Variants in FUT8 observed in about 807,000 individuals in gnomAD.
FUT8 encodes fucosyltransferase 8.
Under a neutral mutation model 71.3 loss-of-function variants are expected in FUT8, and 29 were observed. The ratio of observed to expected loss-of-function variants is 0.41; its 90% CI spans 0.30 to 0.55. The LOEUF (loss-of-function observed/expected upper bound fraction) is 0.55, where lower values mean the gene tolerates loss of function less well. Ranked by LOEUF, FUT8 falls within the 20% of genes least tolerant of loss-of-function variation. The pLI, the probability that FUT8 is intolerant of heterozygous loss-of-function variation, is 0.34. For synonymous variants in FUT8, 254 were observed against 239.3 expected, an observed-to-expected ratio of 1.06 and a Z score of -0.57; for missense variants, 544 against 702.1, an observed-to-expected ratio of 0.77 and a Z score of 2.55.
chr14:65,512,482 T>C (rs1264711432), intron 2 of FUT8, among the ~76,000 whole-genome samples: 1 of 152,182 alleles, frequency 6.6e-6, no homozygotes, highest in African/African-American at 2.4e-5. Flanking sequence ...TATGATCTTA[T>C]GGGACCACTC....
At chr14:65,663,678 C>T (rs1454041674) in intron 6 of FUT8, among the ~76,000 whole-genome samples, 2 of 151,928 alleles carry the variant, frequency 1.3e-5, no homozygotes, top group Admixed American at 6.6e-5. Context: ...ATGGATTTTC[C>T]CTCTTTCTTT....
chr14:65,427,018 C>T (rs1210232429), intron 1 of FUT8, among the ~76,000 whole-genome samples: 1 of 151,946 alleles, frequency 6.6e-6, no homozygotes, highest in Non-Finnish European at 1.5e-5. Flanking sequence ...GCTACCATGC[C>T]CGGCTAATTT....
rs139634606 is a variant in FUT8, at chr14:65,510,329, G to A, written c.-227-51008G>A. The stretch of plus-strand genomic sequence containing the variant: ...TTAATGTGTTGTTGAGTTCAATTTG[G>A]TAGTATTTCGTTATGGATTTTTGTA... On this transcript the variant is annotated intron_variant, in intron 2 of 10. Transcript: ENST00000673929. 3.3e-5 allele frequency among the ~76,000 whole-genome samples: 5 copies of A among 152,120 alleles called. No homozygotes were observed. The East Asian group carries it at 7.7e-4, about 24-fold the overall frequency.
chr14:65,511,585 T>C lies in FUT8; in HGVS notation c.-227-49752T>C, dbSNP rs539718015. 2.5e-3 allele frequency among the ~76,000 whole-genome samples: 377 copies of C among 152,298 alleles called. 2 individuals carry two copies. In the Middle Eastern group the frequency reaches 0.037, roughly 15 times the overall value. Reference sequence around the variant, plus strand: ...TCTGGGTGCTCCACTGTTGGGTGCATATATATTAAAGTACTTTTTTATATC... The same window carrying C: ...TCTGGGTGCTCCACTGTTGGGTGCACATATATTAAAGTACTTTTTTATATC... On this transcript the variant is annotated intron_variant, in intron 2 of 10. Transcript: ENST00000673929.
intron 1 of FUT8, among the ~76,000 whole-genome samples, chr14:65,416,865 C>G (rs1012297327): frequency 1.4e-4 from 21 of 149,774 alleles, no homozygotes. Context: ...CTCACTGCAG[C>G]CTTGAACTCC....
chr14:65,740,415 A>G (rs1258190463), intron 10 of FUT8, among the ~76,000 whole-genome samples: 4 of 152,018 alleles, frequency 2.6e-5, no homozygotes, highest in Admixed American at 6.6e-5. Context: ...CTCTAAGTTG[A>G]GGTGATGATT....
At chr14:65,734,565 C>G (rs987942189) in intron 10 of FUT8, among the ~76,000 whole-genome samples, 7 of 152,166 alleles carry the variant, frequency 4.6e-5, no homozygotes, top group African/African-American at 1.4e-4. Flanking sequence ...TTATGTTTCT[C>G]CCTAATTGGG....
chr14:65,658,251 G>A (rs916006970), intron 6 of FUT8, among the ~76,000 whole-genome samples: 11 of 152,118 alleles, frequency 7.2e-5, no homozygotes, highest in African/African-American at 2.7e-4. Context: ...CAAAAGACAT[G>A]ATGAGATACA....
intron 2 of FUT8, among the ~76,000 whole-genome samples, chr14:65,498,273 A>G (rs1048704250): frequency 2.0e-5 from 3 of 152,168 alleles, no homozygotes; most frequent in Non-Finnish European, 4.4e-5. Flanking sequence ...TACTCAAAGG[A>G]ACCAATAAAT....
chr14:65,722,144 G>T (rs1028304583), intron 8 of FUT8, 123 bp downstream of exon 8: 5 of 1,235,948 alleles, frequency 4.0e-6, no homozygotes, highest in Non-Finnish European at 5.6e-6. Context: ...AAGGACAGAG[G>T]TTCTAGAGCT....
intron 3 of FUT8, among the ~76,000 whole-genome samples, chr14:65,609,454 T>C (rs1888763699): frequency 6.6e-6 from 1 of 151,992 alleles, no homozygotes; most frequent in Admixed American, 6.6e-5. Context: ...ATAACTTTGC[T>C]GAACTGAGGG....
intron 3 of FUT8, among the ~76,000 whole-genome samples, chr14:65,602,882 T>C (rs796722372): frequency 6.6e-6 from 1 of 152,104 alleles, no homozygotes; most frequent in African/African-American, 2.4e-5. Context: ...TTTTCCTTGC[T>C]GTGGATTCTG....
At chr14:65,380,281 G>T in the FUT8 span, among the ~76,000 whole-genome samples, 1 of 152,106 alleles carries the variant, frequency 6.6e-6, no homozygotes, top group African/African-American at 2.4e-5. Context: ...ACTATTACTA[G>T]AATAGCATGG....
chr14:65,559,958 C>T (rs926122518), intron 2 of FUT8, among the ~76,000 whole-genome samples: 1 of 152,086 alleles, frequency 6.6e-6, no homozygotes, highest in Non-Finnish European at 1.5e-5. Flanking sequence ...TCAGCAAGTA[C>T]AATTCTTTTC....
chr14:65,494,239 T>G (rs1043748403), intron 2 of FUT8, among the ~76,000 whole-genome samples: 1 of 152,292 alleles, frequency 6.6e-6, no homozygotes, highest in Admixed American at 6.5e-5. Flanking sequence ...TTTCAACAAC[T>G]AATCAATATA....
chr14:65,505,973 C>T (rs781053523), intron 2 of FUT8, among the ~76,000 whole-genome samples: 1 of 152,150 alleles, frequency 6.6e-6, no homozygotes, highest in Non-Finnish European at 1.5e-5. Flanking sequence ...ACCCTAGCTA[C>T]TAATTTTGTA....
chr14:65,696,682 C>T (rs1371795150), intron 7 of FUT8, among the ~76,000 whole-genome samples: 1 of 151,894 alleles, frequency 6.6e-6, no homozygotes, highest in Non-Finnish European at 1.5e-5. Context: ...TCTTTCTTCT[C>T]CTCTGGTACT....
intron 1 of FUT8, among the ~76,000 whole-genome samples, chr14:65,446,806 T>G (rs76520744): frequency 6.6e-6 from 1 of 151,886 alleles, no homozygotes; most frequent in Non-Finnish European, 1.5e-5. Context: ...TTTTTTTTTT[T>G]GTAAAGATAG....
intron 2 of FUT8, among the ~76,000 whole-genome samples, chr14:65,515,749 C>T (rs1882669966): frequency 6.6e-6 from 1 of 151,970 alleles, no homozygotes; most frequent in East Asian, 1.9e-4. Context: ...ATGTGTGGTA[C>T]ATTGTATTGA....
Sources: allele counts gnomAD v4.1 joint callset (sites outside exome capture counted in the v4.1 genomes callset), GRCh38; gene constraint gnomAD v4.1.1; transcripts MANE v1.5; gene names NCBI Gene and HGNC (gene_info 2026-07-23, HGNC 2026-07-21).